Variants in ATG10 observed in about 807,000 individuals in gnomAD.
ATG10 encodes ubiquitin-like-conjugating enzyme ATG10.
Under a neutral mutation model 32.1 loss-of-function variants are expected in ATG10, and 30 were observed. The ratio of observed to expected loss-of-function variants is 0.94; its 90% CI spans 0.70 to 1.27. The LOEUF is 1.27. Among genes scored for constraint, ATG10 ranks in the 50% most tolerant of loss-of-function variants. The pLI is 0.00. For synonymous variants in ATG10, 87 were observed against 91.5 expected (o/e 0.95, Z 0.28); for missense variants, 233 against 262.3 (o/e 0.89, Z 0.77).
intron 3 of ATG10, among the ~76,000 whole-genome samples, chr5:82,073,931 C>A (rs927167936): frequency 6.6e-6 from 1 of 152,092 alleles, no homozygotes; most frequent in Non-Finnish European, 1.5e-5. Flanking sequence ...AATGGTGAGT[C>A]CTGCAAATGG....
chr5:82,250,921 A>G (rs1747231606), intron 5 of ATG10, among the ~76,000 whole-genome samples: 1 of 152,246 alleles, frequency 6.6e-6, no homozygotes, highest in South Asian at 2.1e-4. Flanking sequence ...GCATAGGCCC[A>G]ACACATCAGG....
intron 5 of ATG10, among the ~76,000 whole-genome samples, chr5:82,196,934 A>C (rs745649574): frequency 8.5e-5 from 13 of 152,196 alleles, no homozygotes; most frequent in Non-Finnish European, 5.9e-5. Flanking sequence ...CGAAAATGTC[A>C]GTTGGAATTT....
chr5:82,034,772 T>C (rs191093341), intron 2 of ATG10, among the ~76,000 whole-genome samples: 1 of 152,288 alleles, frequency 6.6e-6, no homozygotes, highest in East Asian at 1.9e-4. Flanking sequence ...CTTTATGACT[T>C]GCCCCCTTAC....
chr5:82,162,247 A>T (rs1183152457), intron 3 of ATG10, among the ~76,000 whole-genome samples: 1 of 152,156 alleles, frequency 6.6e-6, no homozygotes, highest in Non-Finnish European at 1.5e-5. Flanking sequence ...CAAGCAAATC[A>T]TGGGAGAATA....
At chr5:81,998,205 C>T (rs1443429905) in intron 2 of ATG10, among the ~76,000 whole-genome samples, 1 of 152,194 alleles carries the variant, frequency 6.6e-6, no homozygotes, top group Non-Finnish European at 1.5e-5. Flanking sequence ...AGAAACCCTA[C>T]AAGCCAGAGG....
intron 5 of ATG10, among the ~76,000 whole-genome samples, chr5:82,201,468 G>T (rs983613010): frequency 2.0e-5 from 3 of 152,040 alleles, no homozygotes; most frequent in Admixed American, 1.3e-4. Context: ...ATATTTGAGT[G>T]GGTCTATTTC....
intron 5 of ATG10, 30 bp from the exon 6 acceptor site, chr5:82,252,531 AC>A (rs774264419): frequency 7.3e-7 from 1 of 1,371,504 alleles, no homozygotes; most frequent in Non-Finnish European, 1.0e-6. Flanking sequence ...AGTAACTCAC[AC>A]TGATCCTGGA....
intron 3 of ATG10, among the ~76,000 whole-genome samples, chr5:82,111,809 G>T (rs796696940): frequency 5.3e-5 from 8 of 151,948 alleles, no homozygotes; most frequent in African/African-American, 1.9e-4. Flanking sequence ...AAAACCAGAA[G>T]ACATTACAAA....
intron 3 of ATG10, among the ~76,000 whole-genome samples, chr5:82,117,592 G>T (rs1402753942): frequency 6.6e-6 from 1 of 152,034 alleles, no homozygotes. Context: ...CACTATTCTT[G>T]TAACTACGCC....
chr5:82,242,329 CA>C (rs1304558051), intron 5 of ATG10, among the ~76,000 whole-genome samples: 2 of 151,486 alleles, frequency 1.3e-5, no homozygotes, highest in Non-Finnish European at 2.9e-5. Context: ...TATATTGTAG[CA>C]AAAAACAAGA....
chr5:82,161,734 G>A (rs867256790), intron 3 of ATG10, among the ~76,000 whole-genome samples: 29 of 35,304 alleles, frequency 8.2e-4, no homozygotes, highest in Non-Finnish European at 1.4e-3. Flanking sequence ...CACACACACA[G>A]AGGTATGGTG....
intron 1 of ATG10, among the ~76,000 whole-genome samples, chr5:81,977,047 T>C (rs1380012704): frequency 6.6e-6 from 1 of 152,068 alleles, no homozygotes; most frequent in East Asian, 1.9e-4. Flanking sequence ...GGCTAATTTT[T>C]GTATTTTTTT....
intron 3 of ATG10, among the ~76,000 whole-genome samples, chr5:82,141,217 CA>C (rs767858405): frequency 8.5e-5 from 12 of 141,996 alleles, no homozygotes; most frequent in Non-Finnish European, 1.7e-4. Flanking sequence ...CAAGAATTAT[CA>C]ATAAAAAAAT....
At position 82,167,382 on chromosome 5, in the gene ATG10, T is replaced by C. The variant is rs531376357; in HGVS notation, c.355+2845T>C. Among the ~76,000 whole-genome samples, 29 of 152,316 alleles carry C rather than the reference T, an allele frequency of 1.9e-4. No homozygotes were observed. The South Asian group carries it at 6.0e-3, about 32-fold the overall frequency. On this transcript the variant is annotated intron_variant, in intron 4 of 7. Transcript: ENST00000282185. ...TTTGTGTGTATACATGTATAAGATA[T>C]ATGTATGTATATATATGGCTTATTC...
At chr5:82,065,663 A>G (rs1019877096) in intron 3 of ATG10, among the ~76,000 whole-genome samples, 1 of 152,018 alleles carries the variant, frequency 6.6e-6, no homozygotes, top group East Asian at 1.9e-4. Context: ...TTTCTTAGAG[A>G]AATTGAGATA....
chr5:82,073,893 G>A (rs1764199059), intron 3 of ATG10, among the ~76,000 whole-genome samples: 1 of 152,166 alleles, frequency 6.6e-6, no homozygotes, highest in East Asian at 1.9e-4. Context: ...CAGCTTTACT[G>A]TTTCAGAATA....
At chr5:82,149,179 TATC>T (rs1767485023) in intron 3 of ATG10, among the ~76,000 whole-genome samples, 1 of 151,944 alleles carries the variant, frequency 6.6e-6, no homozygotes, top group Non-Finnish European at 1.5e-5. Context: ...TAAGCTTGCT[TATC>T]ATATTGGCAA....
Position 82,112,574 on chromosome 5 carries a change from T to C in ATG10, c.217-51825T>C, listed in dbSNP as rs556330312. ...ACAGTATTGTACTTTAAGACCCTGA[T>C]TCCTATGAATTACAAAAAGAATTTT... On this transcript the variant is annotated intron_variant, in intron 3 of 7. Transcript: ENST00000282185. Among the ~76,000 whole-genome samples, 36 of 152,066 alleles carry C rather than the reference T, an allele frequency of 2.4e-4. 2 individuals are homozygous for C. In the South Asian group the frequency reaches 7.5e-3, roughly 32 times the overall value.
At chr5:82,020,040 C>T (rs568241844) in intron 2 of ATG10, among the ~76,000 whole-genome samples, 7 of 152,258 alleles carry the variant, frequency 4.6e-5, no homozygotes, top group Admixed American at 3.9e-4. Flanking sequence ...ATGCAGTCAC[C>T]CCATGGGGGA....
Sources: gnomAD v4.1 joint callset for allele counts (sites outside exome capture counted in the v4.1 genomes callset) on GRCh38, gnomAD v4.1.1 for gene constraint, MANE v1.5 for transcripts, NCBI Gene and HGNC (gene_info 2026-07-23, HGNC 2026-07-21) for gene names.